PCDHA10: variants seen among roughly 807,000 people sequenced by gnomAD.
PCDHA10 encodes the protein protocadherin alpha 10, also known as protocadherin alpha-10.
PCDHA10 carries 45 observed loss-of-function variants against 61.2 expected under a neutral mutation model. The observed-to-expected ratio is 0.74, with a 90% confidence interval of 0.58 to 0.94. PCDHA10 has a LOEUF of 0.94. PCDHA10 is among the 40% of genes least tolerant of loss of function. The pLI is 0.00. For missense variants in PCDHA10, 1,278 were observed against 1,236.2 expected (o/e 1.03, Z -0.51); for synonymous variants, 602 against 548.8 (o/e 1.10, Z -1.35).
At chr5:140,981,748 G>C (rs975887463) in intron 2 of PCDHA10, among the ~76,000 whole-genome samples, 28 of 151,686 alleles carry the variant, frequency 1.8e-4, no homozygotes, top group African/African-American at 6.8e-4. Context: ...ATATGAGTTA[G>C]TATTAGACAT....
chr5:140,983,588 C>G (rs530448589), intron 3 of PCDHA10, among the ~76,000 whole-genome samples: 1 of 152,152 alleles, frequency 6.6e-6, no homozygotes, highest in African/African-American at 2.4e-5. Context: ...TACATCTATT[C>G]TACATATGAG....
chr5:140,879,989 C>T (rs1223310901), intron 1 of PCDHA10, among the ~76,000 whole-genome samples: 3 of 152,182 alleles, frequency 2.0e-5, no homozygotes, highest in African/African-American at 7.2e-5. Flanking sequence ...AGATCCTTAA[C>T]TTAATCATAT....
intron 1 of PCDHA10, chr5:140,884,678 A>T (rs781881057): frequency 1.0e-5 from 16 of 1,553,210 alleles, no homozygotes; most frequent in South Asian, 4.9e-5. Context: ...CTTATATTTT[A>T]AAAAATTGTC....
At chr5:140,954,221 T>C (rs1237648662) in intron 1 of PCDHA10, among the ~76,000 whole-genome samples, 2 of 152,252 alleles carry the variant, frequency 1.3e-5, no homozygotes, top group African/African-American at 4.8e-5. Flanking sequence ...TTTTTGCTAT[T>C]GTGAATAGTG....
chr5:140,928,547 A>T (rs782813761), intron 1 of PCDHA10: 5 of 1,614,206 alleles, frequency 3.1e-6, no homozygotes, highest in Middle Eastern at 3.3e-4. Context: ...AATGACAATT[A>T]TCCGGTTATC....
At chr5:140,894,317 A>G (rs2064424513) in intron 1 of PCDHA10, among the ~76,000 whole-genome samples, 1 of 152,034 alleles carries the variant, frequency 6.6e-6, no homozygotes, top group Non-Finnish European at 1.5e-5. Flanking sequence ...TTCTTAAATT[A>G]TAGATTTTAG....
chr5:140,924,978 T>A (rs2082232142), intron 1 of PCDHA10, among the ~76,000 whole-genome samples: 1 of 151,330 alleles, frequency 6.6e-6, no homozygotes, highest in Non-Finnish European at 1.5e-5. Flanking sequence ...CAGTGGCTCA[T>A]GTCTGTAATC....
At chr5:140,983,018 A>T (rs2097022598) in intron 3 of PCDHA10, among the ~76,000 whole-genome samples, 1 of 152,096 alleles carries the variant, frequency 6.6e-6, no homozygotes, top group African/African-American at 2.4e-5. Flanking sequence ...GGAAGGAAGG[A>T]AGGAAGATGG....
chr5:140,973,148 T>G (rs2096574239), intron 1 of PCDHA10, among the ~76,000 whole-genome samples: 1 of 152,210 alleles, frequency 6.6e-6, no homozygotes, highest in Non-Finnish European at 1.5e-5. Context: ...TTCACTTATT[T>G]TAAAGCAATT....
At chr5:140,935,203 A>G (rs1403808889) in intron 1 of PCDHA10, among the ~76,000 whole-genome samples, 1 of 152,160 alleles carries the variant, frequency 6.6e-6, no homozygotes, top group Non-Finnish European at 1.5e-5. Flanking sequence ...GTTTCTAGGT[A>G]TCTTCAGCTA....
At chr5:140,961,176 C>A (rs782677581) in intron 1 of PCDHA10, among the ~76,000 whole-genome samples, 16 of 152,182 alleles carry the variant, frequency 1.1e-4, no homozygotes, top group Admixed American at 2.0e-4. Context: ...ACCTTATGTA[C>A]TCCTCACAGG....
rs782439866 is a variant in PCDHA10, at chr5:140,871,196, A to G, written c.2388+12760A>G. ...GCTGCGCTGGTGGATGTCAACGTGT[A>G]CCTGATCATCGCCATCTGCGTGGTG... On this transcript the variant is annotated intron_variant, in intron 1 of 3. Coordinates refer to ENST00000307360, the MANE Select transcript of PCDHA10 (RefSeq NM_018901.4). 19 of 1,613,546 alleles carry G rather than the reference A, an allele frequency of 1.2e-5. No homozygotes were observed. Among genetic ancestry groups the G allele is most frequent in the Non-Finnish European group, 1.6e-5 (19 of 1,179,946 alleles).
intron 1 of PCDHA10, among the ~76,000 whole-genome samples, chr5:140,960,324 G>A (rs2095540604): frequency 6.6e-6 from 1 of 152,168 alleles, no homozygotes; most frequent in Non-Finnish European, 1.5e-5. Context: ...AGGGTCCTGT[G>A]AGAAGTACAT....
At chr5:140,906,993 C>T (rs1361320380) in intron 1 of PCDHA10, among the ~76,000 whole-genome samples, 1 of 152,146 alleles carries the variant, frequency 6.6e-6, no homozygotes, top group African/African-American at 2.4e-5. Flanking sequence ...CAGCATTCCT[C>T]CCTCTGGAAC....
chr5:140,922,381 A>T (rs1554200794), intron 1 of PCDHA10, among the ~76,000 whole-genome samples: 2 of 152,208 alleles, frequency 1.3e-5, no homozygotes, highest in Admixed American at 6.5e-5. Flanking sequence ...TGCAAAACCA[A>T]AGACTCCTTG....
intron 1 of PCDHA10, among the ~76,000 whole-genome samples, chr5:140,932,809 CAT>C (rs782729907): frequency 3.3e-5 from 5 of 151,746 alleles, no homozygotes; most frequent in Admixed American, 6.6e-5. Flanking sequence ...ACCTTGGAAA[CAT>C]ATAAGTGGGA....
At chr5:140,952,325 T>G in intron 1 of PCDHA10, among the ~76,000 whole-genome samples, 1 of 133,382 alleles carries the variant, frequency 7.5e-6, no homozygotes, top group Non-Finnish European at 1.6e-5. Context: ...GCAACAAGAG[T>G]GAAACTCCAT....
chr5:141,006,448 C>T lies in PCDHA10; in HGVS notation c.2537-3179C>T, dbSNP rs968765348. ...CAGGATGGTCTCAATCTCCTGACCT[C>T]GAGATCTGCCTGTCTCGGCCTCCCA... On this transcript the variant is annotated intron_variant, in intron 3 of 3. Coordinates refer to ENST00000307360, the MANE Select transcript of PCDHA10 (RefSeq NM_018901.4). Among the ~76,000 whole-genome samples, 4 of 152,122 alleles carry T rather than the reference C, an allele frequency of 2.6e-5. No homozygotes were observed. In the East Asian group the frequency reaches 7.7e-4, roughly 29 times the overall value.
intron 1 of PCDHA10, among the ~76,000 whole-genome samples, chr5:140,909,916 C>T (rs1554194012): frequency 6.6e-6 from 1 of 152,138 alleles, no homozygotes; most frequent in African/African-American, 2.4e-5. Context: ...CAATCATTTC[C>T]CTTTCCCCAA....
Sources: gnomAD v4.1 joint callset for allele counts (sites outside exome capture counted in the v4.1 genomes callset) on GRCh38, gnomAD v4.1.1 for gene constraint, MANE v1.5 for transcripts, NCBI Gene and HGNC (gene_info 2026-07-23, HGNC 2026-07-21) for gene names.